The following KCTD16 variants were observed in gnomAD, a reference collection of about 807,000 sequenced individuals.
The protein encoded by KCTD16 is BTB/POZ domain-containing protein KCTD16.
A neutral mutation model predicts 33.2 loss-of-function variants in KCTD16; 13 were observed. The observed-to-expected ratio is 0.39, with a 90% CI of 0.25 to 0.62. The LOEUF (loss-of-function observed/expected upper bound fraction) is 0.62. KCTD16 is among the 20% of genes least tolerant of loss of function. KCTD16 has a pLI of 0.50. For synonymous variants in KCTD16, 197 were observed against 195.3 expected (o/e 1.01, Z -0.07); for missense variants, 441 against 525.1 (o/e 0.84, Z 1.57).
chr5:144,200,972 T>G (rs1753033747), intron 2 of KCTD16, among the ~76,000 whole-genome samples: 1 of 152,226 alleles, frequency 6.6e-6, no homozygotes, highest in Admixed American at 6.5e-5. Context: ...TCTCAAACTC[T>G]TGGCCTTAAG....
Position 144,256,126 on chromosome 5 carries a change from A to G in KCTD16, c.832+48580A>G, listed in dbSNP as rs548086488. 1.4e-4 allele frequency among the ~76,000 whole-genome samples: 22 copies of G among 152,340 alleles called. No individual in the cohort carries two copies. In the East Asian group the frequency reaches 3.1e-3, roughly 21 times the overall value. The stretch of plus-strand genomic sequence containing the variant: ...TTACGTTACTGTTTTCTGGGTTTGA[A>G]TACAGGCACTTTGGATCTACATACC... On this transcript the variant is annotated intron_variant, in intron 3 of 3. Transcript: ENST00000512467.
At chr5:144,290,728 T>C (rs977794523) in intron 3 of KCTD16, among the ~76,000 whole-genome samples, 1 of 152,212 alleles carries the variant, frequency 6.6e-6, no homozygotes, top group Non-Finnish European at 1.5e-5. Context: ...TTTTATTTTC[T>C]CTTAATGCCT....
In KCTD16 at chr5:144,332,695, G is replaced by A. The variant is rs541759329; in HGVS notation, c.832+125149G>A. Among the ~76,000 whole-genome samples the A allele has an allele frequency of 1.5e-4, 23 of 152,304 alleles. 1 individual carries two copies. Among genetic ancestry groups the A allele is most frequent in the Middle Eastern group, 3.4e-3 (1 of 294 alleles). ...GAACCAATATGCCCATAAGGAGTTAGGGGTTGAGGAGGGGCACTAAAAATA... is the reference window on the plus strand; with the variant it reads ...GAACCAATATGCCCATAAGGAGTTAAGGGTTGAGGAGGGGCACTAAAAATA... On this transcript the variant is annotated intron_variant, in intron 3 of 3. Transcript: ENST00000512467.
chr5:144,297,647 G>A (rs771031340), intron 3 of KCTD16, among the ~76,000 whole-genome samples: 13 of 152,138 alleles, frequency 8.5e-5, no homozygotes, highest in Admixed American at 2.6e-4. Context: ...GAAGGTGATC[G>A]CATCCACCTT....
chr5:144,189,258 C>T (rs1442190941), intron 2 of KCTD16, among the ~76,000 whole-genome samples: 2 of 151,902 alleles, frequency 1.3e-5, no homozygotes, highest in African/African-American at 4.8e-5. Flanking sequence ...TTTGGGAGGC[C>T]GAGGCGGGCG....
chr5:144,463,670 G>A (rs923417277), intron 3 of KCTD16, among the ~76,000 whole-genome samples: 2 of 152,126 alleles, frequency 1.3e-5, no homozygotes, highest in Non-Finnish European at 2.9e-5. Context: ...ATTCATCACA[G>A]CTCCACTTCT....
At chr5:144,227,596 A>G (rs1753973763) in intron 3 of KCTD16, among the ~76,000 whole-genome samples, 1 of 152,238 alleles carries the variant, frequency 6.6e-6, no homozygotes, top group Non-Finnish European at 1.5e-5. Context: ...ATGATGTCAG[A>G]AATTTGACAT....
intron 3 of KCTD16, among the ~76,000 whole-genome samples, chr5:144,453,076 G>A (rs1753982424): frequency 6.6e-6 from 1 of 152,166 alleles, no homozygotes; most frequent in Non-Finnish European, 1.5e-5. Flanking sequence ...TGAGGACAGA[G>A]CTGTTGGCAA....
chr5:144,320,533 T>C (rs1315063826), intron 3 of KCTD16, among the ~76,000 whole-genome samples: 1 of 152,140 alleles, frequency 6.6e-6, no homozygotes, highest in Non-Finnish European at 1.5e-5. Context: ...ATAATTAAAC[T>C]GGCATATAAA....
At chr5:144,246,556 G>T (rs1006437318) in intron 3 of KCTD16, among the ~76,000 whole-genome samples, 2 of 152,046 alleles carry the variant, frequency 1.3e-5, no homozygotes, top group African/African-American at 2.4e-5. Context: ...AATACTTGTT[G>T]TGTGTTAACT....
intron 3 of KCTD16, among the ~76,000 whole-genome samples, chr5:144,239,788 G>T (rs993844940): frequency 6.6e-6 from 1 of 152,124 alleles, no homozygotes; most frequent in Non-Finnish European, 1.5e-5. Flanking sequence ...TAAACTATAT[G>T]TAGATTTTAA....
At chr5:144,198,368 A>G (rs17372802) in intron 2 of KCTD16, among the ~76,000 whole-genome samples, 22,577 of 152,200 alleles carry the variant, frequency 0.15, 2,028 homozygotes, top group Admixed American at 0.25. Flanking sequence ...TCTTGCAAAT[A>G]ATTCAAAAGG....
chr5:144,263,786 T>A (rs1252881696), intron 3 of KCTD16, among the ~76,000 whole-genome samples: 1 of 152,170 alleles, frequency 6.6e-6, no homozygotes, highest in Non-Finnish European at 1.5e-5. Flanking sequence ...AAACAGACAT[T>A]TATTTCCCAC....
chr5:144,242,399 A>G (rs1580814301), intron 3 of KCTD16, among the ~76,000 whole-genome samples: 2 of 152,244 alleles, frequency 1.3e-5, no homozygotes, highest in African/African-American at 4.8e-5. Context: ...AAAATTATAT[A>G]CTTTTTCCCT....
intron 3 of KCTD16, among the ~76,000 whole-genome samples, chr5:144,302,441 T>C (rs564317346): frequency 2.0e-5 from 3 of 152,308 alleles, no homozygotes; most frequent in Admixed American, 6.5e-5. Flanking sequence ...TGGTAGAAGA[T>C]GGTGTTCAAC....
chr5:144,430,078 A>G lies in KCTD16; in HGVS notation c.833-43582A>G, dbSNP rs146676594. Among the ~76,000 whole-genome samples, 218 of 152,234 alleles carry G rather than the reference A, an allele frequency of 1.4e-3. 1 individual carries two copies. The highest frequency in any genetic ancestry group is 4.8e-3 in the African/African-American group (201 of 41,548). ...GTGGTACAATATGAATGTGCAAGCT[A>G]GCTGAATCTATATGATATCTTCAGG... On this transcript the variant is annotated intron_variant, in intron 3 of 3. Transcript: ENST00000512467.
At chr5:144,293,709 G>A (rs1755958398) in intron 3 of KCTD16, among the ~76,000 whole-genome samples, 1 of 152,090 alleles carries the variant, frequency 6.6e-6, no homozygotes, top group Admixed American at 6.5e-5. Context: ...AACCACAAAA[G>A]CATAGTTTAA....
intron 3 of KCTD16, among the ~76,000 whole-genome samples, chr5:144,468,169 A>G (rs1303571607): frequency 6.6e-6 from 1 of 152,138 alleles, no homozygotes; most frequent in African/African-American, 2.4e-5. Flanking sequence ...ACCTCCACAC[A>G]ATGCCTCCTC....
intron 1 of KCTD16, among the ~76,000 whole-genome samples, chr5:144,172,032 C>A (rs1752396042): frequency 6.6e-6 from 1 of 152,112 alleles, no homozygotes; most frequent in Admixed American, 6.5e-5. Flanking sequence ...TCCTGAGGCC[C>A]TCACAAAAGA....
Sources: allele counts gnomAD v4.1 joint callset (sites outside exome capture counted in the v4.1 genomes callset), GRCh38; gene constraint gnomAD v4.1.1; transcripts MANE v1.5; gene names NCBI Gene and HGNC (gene_info 2026-07-23, HGNC 2026-07-21).